The following SLC71A1 variants were observed in gnomAD, a reference collection of about 807,000 sequenced individuals.
SLC71A1 encodes the protein solute carrier family 71 member 1.
the SLC71A1 span, among the ~76,000 whole-genome samples, chr1:100,055,324 G>A: frequency 6.6e-6 from 1 of 151,348 alleles, no homozygotes; most frequent in African/African-American, 2.4e-5. Context: ...AATATGGCTA[G>A]AGGACTAGAT....
the SLC71A1 span, chr1:100,080,282 A>G: frequency 1.4e-3 from 625 of 443,640 alleles, 3 homozygotes; most frequent in African/African-American, 0.011. Flanking sequence ...ATATATGGGT[A>G]CATCAGAGCT....
At chr1:100,041,233 T>A in the SLC71A1 span, among the ~76,000 whole-genome samples, 1 of 152,232 alleles carries the variant, frequency 6.6e-6, no homozygotes, top group African/African-American at 2.4e-5. Flanking sequence ...CTGATTTTTT[T>A]ATTGAAATTG....
the SLC71A1 span, among the ~76,000 whole-genome samples, chr1:100,038,975 CTG>C: frequency 4.6e-5 from 7 of 152,324 alleles, no homozygotes; most frequent in African/African-American, 1.7e-4. Flanking sequence ...AAAGTCATCA[CTG>C]TGTGTCTTAA....
the SLC71A1 span, chr1:100,081,955 G>T: frequency 1.4e-6 from 2 of 1,416,636 alleles, no homozygotes; most frequent in South Asian, 1.2e-5. Flanking sequence ...TTCTCCTTAT[G>T]AGTAAAAGTA....
the SLC71A1 span, chr1:100,068,301 C>CT: frequency 9.7e-7 from 1 of 1,031,448 alleles, no homozygotes; most frequent in Non-Finnish European, 1.4e-6. Context: ...TTGGGTTTTT[C>CT]TTTTAACATT....
At chr1:100,082,141 A>G in the SLC71A1 span, 1 of 1,614,184 alleles carries the variant, frequency 6.2e-7, no homozygotes, top group East Asian at 2.2e-5. Context: ...TGGCAGTCAC[A>G]GCCATCCTCA....
chr1:100,064,655 A>G, the SLC71A1 span, among the ~76,000 whole-genome samples: 1 of 151,934 alleles, frequency 6.6e-6, no homozygotes, highest in African/African-American at 2.4e-5. Context: ...AACTTCTTTC[A>G]CTTGGCATAA....
chr1:100,074,629 A>G, the SLC71A1 span, among the ~76,000 whole-genome samples: 1 of 151,988 alleles, frequency 6.6e-6, no homozygotes, highest in Non-Finnish European at 1.5e-5. Context: ...CTGAGATACC[A>G]GCACTTTGGG....
At chr1:100,068,296 T>G in the SLC71A1 span, 1 of 1,043,618 alleles carries the variant, frequency 9.6e-7, no homozygotes, top group Non-Finnish European at 1.4e-6. Context: ...ACATCTTGGG[T>G]TTTTCTTTTA....
the SLC71A1 span, chr1:100,068,555 A>G: frequency 6.2e-7 from 1 of 1,612,854 alleles, no homozygotes; most frequent in Non-Finnish European, 8.5e-7. Flanking sequence ...GAGGCAGGCC[A>G]ATATTCCAGC....
the SLC71A1 span, among the ~76,000 whole-genome samples, chr1:100,069,913 AGGATATATGTCTGGATGAAGTTAGAAGTT>A: frequency 1.4e-4 from 22 of 152,234 alleles, no homozygotes; most frequent in African/African-American, 5.1e-4. Context: ...GATGTATACT[AGGATATATGTCTGGATGAAGTTAGAAGTT>A]TCATGTCTTG....
At chr1:100,069,697 T>G in the SLC71A1 span, 1 of 1,578,340 alleles carries the variant, frequency 6.3e-7, no homozygotes, top group Non-Finnish European at 8.7e-7. Flanking sequence ...TGAGTTTCTT[T>G]TTTTAGTTAG....
chr1:100,049,092 T>G, the SLC71A1 span, among the ~76,000 whole-genome samples: 1 of 152,224 alleles, frequency 6.6e-6, no homozygotes. Flanking sequence ...TTCAGATAGC[T>G]TCCTTTTAGA....
chr1:100,081,923 T>C, the SLC71A1 span: 1 of 1,060,558 alleles, frequency 9.4e-7, no homozygotes. Flanking sequence ...AATTCATAAG[T>C]TAATACTAAA....
At chr1:100,038,922 C>G in the SLC71A1 span, among the ~76,000 whole-genome samples, 22 of 152,342 alleles carry the variant, frequency 1.4e-4, no homozygotes, top group East Asian at 3.9e-3. Flanking sequence ...AGCATGACGG[C>G]AGACACCTGG....
At chr1:100,045,204 A>G in the SLC71A1 span, among the ~76,000 whole-genome samples, 1 of 152,028 alleles carries the variant, frequency 6.6e-6, no homozygotes, top group South Asian at 2.1e-4. Flanking sequence ...CCTTGTAAAG[A>G]TCTTTCACTT....
At chr1:100,077,559 C>T in the SLC71A1 span, among the ~76,000 whole-genome samples, 6 of 152,186 alleles carry the variant, frequency 3.9e-5, no homozygotes, top group South Asian at 2.1e-4. Flanking sequence ...TAAATCAGTC[C>T]GTTACTAGGA....
At chr1:100,054,634 A>G in the SLC71A1 span, among the ~76,000 whole-genome samples, 3 of 152,130 alleles carry the variant, frequency 2.0e-5, no homozygotes, top group African/African-American at 7.2e-5. Context: ...TCTTCTACCT[A>G]GATGGTTTCG....
At chr1:100,047,452 T>C in the SLC71A1 span, among the ~76,000 whole-genome samples, 4 of 152,222 alleles carry the variant, frequency 2.6e-5, no homozygotes, top group Non-Finnish European at 4.4e-5. Context: ...GACGGAGTTT[T>C]GCTCTTGTTG....
Sources: allele counts gnomAD v4.1 joint callset (sites outside exome capture counted in the v4.1 genomes callset), GRCh38; gene constraint gnomAD v4.1.1; transcripts MANE v1.5; gene names NCBI Gene and HGNC (gene_info 2026-07-23, HGNC 2026-07-21).